Variants in MICAL3 observed in about 807,000 individuals in gnomAD.
MICAL3 encodes [F-actin]-monooxygenase MICAL3.
In MICAL3, 62 loss-of-function variants were observed where a neutral mutation model predicts 207.4. The ratio of observed to expected loss-of-function variants is 0.30; its 90% CI spans 0.24 to 0.37. MICAL3 has a LOEUF of 0.37. MICAL3 is among the 10% of genes least tolerant of loss of function. The pLI, the probability that MICAL3 is intolerant of heterozygous loss-of-function variation, is 1.00. For missense variants in MICAL3, 2,368 were observed against 2,635.6 expected, an observed-to-expected ratio of 0.90 and a Z score of 2.22; for synonymous variants, 1,077 against 1,069.3, an observed-to-expected ratio of 1.01 and a Z score of -0.14.
At chr22:18,010,534 G>A (rs1569166426) in intron 1 of MICAL3, among the ~76,000 whole-genome samples, 1 of 152,150 alleles carries the variant, frequency 6.6e-6, no homozygotes, top group Non-Finnish European at 1.5e-5. Flanking sequence ...AGCAGGGAAC[G>A]TTCTATAGAG....
At position 17,793,688 on chromosome 22, in the gene MICAL3, C is replaced by T. The variant is rs770838491; in HGVS notation, c.5651-2387G>A. ...GTGTTTGACTAGTGTTGCTACACCC[C>T]CTCCGAGGCAGTGGGGATGGGGTTG... On this transcript the variant is annotated intron_variant, in intron 29 of 31. Transcript: ENST00000441493. The surrounding 1 kb of genome is among the most constrained non-coding windows in gnomAD (Gnocchi z 4.1). 1 of 152,434 alleles carries T rather than the reference C, an allele frequency of 6.6e-6. No individual in the cohort carries two copies. Among genetic ancestry groups the T allele is most frequent in the Non-Finnish European group, 1.5e-5 (1 of 68,146 alleles). The allele number at this position is 152,434 out of a possible 1,614,324, so 9.4% of individuals were successfully genotyped here.
intron 20 of MICAL3, among the ~76,000 whole-genome samples, chr22:17,833,780 A>G (rs771409461): frequency 6.6e-5 from 10 of 152,148 alleles, no homozygotes; most frequent in Non-Finnish European, 1.5e-4. Context: ...ATCATTGCCT[A>G]TGTAATAAAA....
At chr22:17,916,244 ATCTGCCGCATG>A (rs1932510297) in intron 1 of MICAL3, among the ~76,000 whole-genome samples, 1 of 151,926 alleles carries the variant, frequency 6.6e-6, no homozygotes, top group Admixed American at 6.6e-5. Context: ...AGCGAGCGAC[ATCTGCCGCATG>A]TCTCGCTGAA....
At chr22:17,937,644 G>A (rs1933604322) in intron 1 of MICAL3, among the ~76,000 whole-genome samples, 1 of 152,192 alleles carries the variant, frequency 6.6e-6, no homozygotes, top group African/African-American at 2.4e-5. Flanking sequence ...GCCTGGGAAA[G>A]AAGAGTGAAA....
At chr22:17,888,070 A>G (rs1187760642) in intron 13 of MICAL3, among the ~76,000 whole-genome samples, 1 of 152,256 alleles carries the variant, frequency 6.6e-6, no homozygotes, top group Non-Finnish European at 1.5e-5. Context: ...TTTTTAAAAT[A>G]GTCATTAATT....
intron 1 of MICAL3, among the ~76,000 whole-genome samples, chr22:17,963,315 T>C (rs1009406296): frequency 1.3e-5 from 2 of 152,090 alleles, no homozygotes; most frequent in Non-Finnish European, 2.9e-5. Context: ...TTTCAACATG[T>C]TGCCCAAGCT....
intron 2 of MICAL3, among the ~76,000 whole-genome samples, chr22:17,906,128 A>C (rs552507228): frequency 1.6e-4 from 25 of 152,242 alleles, no homozygotes; most frequent in Non-Finnish European, 3.1e-4. Context: ...CGTGAGGTTC[A>C]AAAGAGAGCT....
intron 17 of MICAL3, 25 bp from the exon 18 acceptor site, chr22:17,866,037 A>G: frequency 6.4e-7 from 1 of 1,559,232 alleles, no homozygotes; most frequent in Admixed American, 1.7e-5. Context: ...AGGCAGGGAC[A>G]GAGGCGATGA....
chr22:17,997,679 T>A (rs1375250033), intron 1 of MICAL3, among the ~76,000 whole-genome samples: 3 of 152,180 alleles, frequency 2.0e-5, no homozygotes, highest in African/African-American at 7.2e-5. Flanking sequence ...AACCCAGCCC[T>A]GCTTTCAGTC....
Position 17,864,935 on chromosome 22 carries a change from C to A in MICAL3, c.2569G>T (p.Ala857Ser). The A allele has an allele frequency of 6.2e-7, 1 of 1,613,766 alleles. No homozygotes were observed. Among genetic ancestry groups the A allele is most frequent in the Non-Finnish European group, 8.5e-7 (1 of 1,179,846 alleles). ...DGATTDANGR[A>S]NAVASSTERT... ...TCAGTGGAGCTGGCCACGGCGTTGG[C>A]CCGTCCGTTTGCATCTGTGGTGGCG... Residue 857 changes from alanine to serine, a missense_variant, in exon 19 of 32, where the codon GCC becomes TCC. Coordinates refer to ENST00000441493, the MANE Select transcript of MICAL3 (RefSeq NM_015241.3).
At chr22:17,892,547 C>T (rs1195874685) in intron 11 of MICAL3, among the ~76,000 whole-genome samples, 2 of 152,176 alleles carry the variant, frequency 1.3e-5, no homozygotes, top group Non-Finnish European at 2.9e-5. Context: ...TGCGATAACA[C>T]ATAAAACCAC....
intron 1 of MICAL3, among the ~76,000 whole-genome samples, chr22:17,910,667 T>C (rs1161685926): frequency 1.3e-5 from 2 of 152,204 alleles, no homozygotes; most frequent in Non-Finnish European, 2.9e-5. Context: ...AGCTGAATGA[T>C]GACTGCAGCG....
At chr22:17,855,914 C>T (rs1322002446) in intron 19 of MICAL3, among the ~76,000 whole-genome samples, 1 of 152,254 alleles carries the variant, frequency 6.6e-6, no homozygotes, top group African/African-American at 2.4e-5. Context: ...TGATGAAGGG[C>T]AGCTCCTGTG....
intron 1 of MICAL3, among the ~76,000 whole-genome samples, chr22:18,023,594 A>G (rs547468285): frequency 6.6e-6 from 1 of 152,242 alleles, no homozygotes. Flanking sequence ...TCTAAGACAC[A>G]TGCAGCCTCC....
intron 27 of MICAL3, chr22:17,814,341 A>G (rs753028604): frequency 1.3e-5 from 2 of 152,256 alleles, no homozygotes; most frequent in African/African-American, 4.8e-5. Flanking sequence ...TTTGTAATGA[A>G]TCATTGGTAG....
chr22:17,922,154 G>T (rs1426336463), intron 1 of MICAL3, among the ~76,000 whole-genome samples: 4 of 150,992 alleles, frequency 2.6e-5, no homozygotes, highest in East Asian at 2.0e-4. Flanking sequence ...CCACCTGGGT[G>T]CGTGCCTCCC....
intron 21 of MICAL3, among the ~76,000 whole-genome samples, 183 bp downstream of exon 21, chr22:17,831,671 G>GC (rs1245801118): frequency 1.3e-5 from 2 of 152,128 alleles, no homozygotes; most frequent in African/African-American, 4.8e-5. Flanking sequence ...ACTGCCAACC[G>GC]CCTGCTCAAC....
intron 1 of MICAL3, among the ~76,000 whole-genome samples, chr22:17,952,102 G>A (rs1402947027): frequency 2.6e-5 from 4 of 152,188 alleles, no homozygotes; most frequent in South Asian, 2.1e-4. Context: ...GGATGGGAAC[G>A]GGACTGCAGC....
At chr22:18,013,620 G>A (rs573274028) in intron 1 of MICAL3, among the ~76,000 whole-genome samples, 1 of 152,336 alleles carries the variant, frequency 6.6e-6, no homozygotes, top group Admixed American at 6.5e-5. Context: ...TGTTGAGGGT[G>A]GATGGAGGTG....
Sources: gnomAD v4.1 joint callset for allele counts (sites outside exome capture counted in the v4.1 genomes callset) on GRCh38, gnomAD v4.1.1 for gene constraint, Gnocchi (gnomAD v3.1) non-coding constraint, MANE v1.5 for transcripts, NCBI Gene and HGNC (gene_info 2026-07-23, HGNC 2026-07-21) for gene names.